The following UNC13C variants were observed in gnomAD, a reference collection of about 807,000 sequenced individuals.
UNC13C encodes unc-13 homolog C.
In UNC13C, 174 loss-of-function variants were observed where a neutral mutation model predicts 245.4. The ratio of observed to expected loss-of-function variants is 0.71; its 90% confidence interval spans 0.63 to 0.80. UNC13C has a LOEUF of 0.80. Ranked by LOEUF, UNC13C falls within the 30% of genes least tolerant of loss-of-function variation. The probability of loss-of-function intolerance (pLI) is 0.00; values close to 1 mark genes in which losing one functional copy is unlikely to be tolerated. For missense variants in UNC13C, 2,829 were observed against 2,602.9 expected, an observed-to-expected ratio of 1.09 and a Z score of -1.89; for synonymous variants, 992 against 895.1, an observed-to-expected ratio of 1.11 and a Z score of -1.93.
chr15:54,341,799 ACCC>A (rs1439569274), intron 17 of UNC13C, among the ~76,000 whole-genome samples: 1 of 151,772 alleles, frequency 6.6e-6, no homozygotes, highest in Non-Finnish European at 1.5e-5. Flanking sequence ...ACACAATGAA[ACCC>A]CGTCTCTGCT....
the UNC13C span, among the ~76,000 whole-genome samples, chr15:53,953,087 G>A: frequency 1.8e-4 from 28 of 152,164 alleles, no homozygotes; most frequent in African/African-American, 6.5e-4. Flanking sequence ...CTGCTTTCAG[G>A]GGGTAATTTA....
the UNC13C span, among the ~76,000 whole-genome samples, chr15:53,969,165 G>C: frequency 1.3e-5 from 2 of 152,104 alleles, no homozygotes; most frequent in Admixed American, 1.3e-4. Context: ...GAAAGTGATT[G>C]CACATTGATA....
chr15:54,203,251 C>T (rs2140723989), intron 4 of UNC13C, among the ~76,000 whole-genome samples: 1 of 151,740 alleles, frequency 6.6e-6, no homozygotes, highest in East Asian at 1.9e-4. Context: ...AGTACAACCA[C>T]TATGGAAAAC....
At chr15:54,584,498 G>C (rs1203605555) in intron 30 of UNC13C, among the ~76,000 whole-genome samples, 1 of 152,214 alleles carries the variant, frequency 6.6e-6, no homozygotes, top group African/African-American at 2.4e-5. Context: ...AACTGTGAGT[G>C]CCATGTCCTA....
chr15:53,864,867 A>C, the UNC13C span, among the ~76,000 whole-genome samples: 6 of 152,174 alleles, frequency 3.9e-5, no homozygotes, highest in Admixed American at 3.9e-4. Context: ...TTCGGTTTGT[A>C]AGGGTAGAGA....
At chr15:54,585,569 G>C (rs901218670) in intron 30 of UNC13C, among the ~76,000 whole-genome samples, 1 of 152,184 alleles carries the variant, frequency 6.6e-6, no homozygotes, top group African/African-American at 2.4e-5. Flanking sequence ...TAATTTAACA[G>C]ATGCTTATAT....
chr15:53,932,054 T>C, the UNC13C span, among the ~76,000 whole-genome samples: 2 of 152,192 alleles, frequency 1.3e-5, no homozygotes, highest in Non-Finnish European at 2.9e-5. Context: ...CTCACCCCTG[T>C]AATCCCAGAA....
At chr15:53,996,831 G>GTT (rs765198441) in intron 1 of UNC13C, among the ~76,000 whole-genome samples, 55 of 81,558 alleles carry the variant, frequency 6.7e-4, no homozygotes, top group Non-Finnish European at 1.4e-3. Context: ...TCTCCTGATG[G>GTT]GTTTTTTTTT....
chr15:54,609,471 A>C (rs1428929693), intron 30 of UNC13C: 4 of 152,094 alleles, frequency 2.6e-5, no homozygotes, highest in Admixed American at 2.0e-4. Flanking sequence ...CAGGGAAACC[A>C]CAGGGTTTTA....
At chr15:54,081,923 A>T (rs1363022463) in intron 2 of UNC13C, among the ~76,000 whole-genome samples, 1 of 152,122 alleles carries the variant, frequency 6.6e-6, no homozygotes, top group African/African-American at 2.4e-5. Flanking sequence ...AGCAAGTATC[A>T]TCCTTTCATT....
At chr15:54,039,200 G>T (rs951932687) in intron 2 of UNC13C, among the ~76,000 whole-genome samples, 7 of 152,078 alleles carry the variant, frequency 4.6e-5, no homozygotes, top group African/African-American at 1.7e-4. Context: ...GTTCGGTTTT[G>T]CACTTATTTG....
At chr15:54,329,940 T>A (rs1283858501) in intron 14 of UNC13C, among the ~76,000 whole-genome samples, 1 of 152,192 alleles carries the variant, frequency 6.6e-6, no homozygotes, top group East Asian at 1.9e-4. Context: ...CCCCAACTCA[T>A]GGAACCTAAG....
chr15:54,353,366 G>C (rs2039025653), intron 17 of UNC13C, among the ~76,000 whole-genome samples: 1 of 152,136 alleles, frequency 6.6e-6, no homozygotes, highest in Non-Finnish European at 1.5e-5. Flanking sequence ...CATCCAGACA[G>C]ACTCTGCTGG....
chr15:54,039,232 G>A (rs926673179), intron 2 of UNC13C, among the ~76,000 whole-genome samples: 6 of 152,062 alleles, frequency 3.9e-5, no homozygotes, highest in Admixed American at 1.3e-4. Flanking sequence ...ATGTTTTAAT[G>A]TTTTCTCATC....
At chr15:54,618,181 C>T (rs1596688369) in intron 30 of UNC13C, among the ~76,000 whole-genome samples, 1 of 152,070 alleles carries the variant, frequency 6.6e-6, no homozygotes, top group Non-Finnish European at 1.5e-5. Context: ...CGACAGTAAG[C>T]AGGAATTTTT....
the UNC13C span, chr15:53,947,867 C>T: frequency 6.6e-6 from 1 of 152,176 alleles, no homozygotes; most frequent in Non-Finnish European, 1.5e-5. Context: ...AGAAAAATAT[C>T]TAGAATCAAA....
rs142381986 is a variant in UNC13C, at chr15:54,005,505, C to G, written c.-256-7143C>G. Among the ~76,000 whole-genome samples, 22 of 152,234 alleles carry G rather than the reference C, an allele frequency of 1.4e-4. No homozygotes were observed. The East Asian group carries it at 4.3e-3, about 29-fold the overall frequency. On this transcript the variant is annotated intron_variant, in intron 1 of 32. Coordinates refer to ENST00000260323, the MANE Select transcript of UNC13C (RefSeq NM_001080534.3). ...TATCTACCACAAGTTTACTATCAAA[C>G]ATTAATGTAATCTATAAAAAGCACT...
intron 19 of UNC13C, among the ~76,000 whole-genome samples, chr15:54,437,345 C>G (rs1268153730): frequency 6.6e-6 from 1 of 151,914 alleles, no homozygotes; most frequent in Non-Finnish European, 1.5e-5. Flanking sequence ...GTTGTTACAT[C>G]TATTATATAA....
At chr15:54,060,354 G>C (rs1326179307) in intron 2 of UNC13C, among the ~76,000 whole-genome samples, 1 of 152,080 alleles carries the variant, frequency 6.6e-6, no homozygotes, top group Non-Finnish European at 1.5e-5. Context: ...GCAGCCAACA[G>C]ACACATGAAA....
Sources: gnomAD v4.1 joint callset for allele counts (sites outside exome capture counted in the v4.1 genomes callset) on GRCh38, gnomAD v4.1.1 for gene constraint, MANE v1.5 for transcripts, NCBI Gene and HGNC (gene_info 2026-07-23, HGNC 2026-07-21) for gene names.